SLC35F4: variants seen among roughly 807,000 people sequenced by gnomAD.
The protein encoded by SLC35F4 is chromosome 14 open reading frame 36.
A neutral mutation model predicts 44.2 loss-of-function variants in SLC35F4; 24 were observed. The ratio of observed to expected loss-of-function variants is 0.54; its 90% CI spans 0.39 to 0.76. SLC35F4 has a LOEUF of 0.76. Among genes scored for constraint, SLC35F4 ranks in the 30% least tolerant of loss-of-function variants. The pLI, the probability that SLC35F4 is intolerant of heterozygous loss-of-function variation, is 0.00. For synonymous variants in SLC35F4, 238 were observed against 223.6 expected, an observed-to-expected ratio of 1.06 and a Z score of -0.57; for missense variants, 562 against 586.1, an observed-to-expected ratio of 0.96 and a Z score of 0.42.
At chr14:57,573,234 G>A (rs561106415) in intron 4 of SLC35F4, among the ~76,000 whole-genome samples, 1 of 152,314 alleles carries the variant, frequency 6.6e-6, no homozygotes, top group East Asian at 1.9e-4. Flanking sequence ...CGCTGCTAAA[G>A]CATGTCTTTT....
At chr14:57,766,205 C>T (rs544586041) in intron 1 of SLC35F4, among the ~76,000 whole-genome samples, 1 of 152,316 alleles carries the variant, frequency 6.6e-6, no homozygotes, top group South Asian at 2.1e-4. Context: ...CAGAATACAA[C>T]ATGTACAAGC....
chr14:57,566,374 A>G (rs1594870482), intron 7 of SLC35F4, 101 bp downstream of exon 7: 1 of 1,108,102 alleles, frequency 9.0e-7, no homozygotes, highest in African/African-American at 1.6e-5. Context: ...GGCAAGGAAC[A>G]TAATTCACAA....
chr14:57,792,677 A>G (rs2077953594), intron 1 of SLC35F4, among the ~76,000 whole-genome samples: 1 of 152,196 alleles, frequency 6.6e-6, no homozygotes, highest in African/African-American at 2.4e-5. Flanking sequence ...TCACTCAGAT[A>G]TGGAAAACCA....
chr14:57,974,403 T>C (rs552320437), downstream of SLC35F4, among the ~76,000 whole-genome samples: 9 of 152,296 alleles, frequency 5.9e-5, no homozygotes, highest in East Asian at 1.7e-3. Context: ...AATAAGTCAT[T>C]AAAGCCAGCT....
chr14:57,769,096 G>A (rs2077300673), intron 1 of SLC35F4, among the ~76,000 whole-genome samples: 1 of 152,096 alleles, frequency 6.6e-6, no homozygotes, highest in Admixed American at 6.6e-5. Flanking sequence ...GAGCAAGGCA[G>A]CTAAACTATC....
At chr14:57,769,189 C>T (rs903841050) in intron 1 of SLC35F4, among the ~76,000 whole-genome samples, 3 of 152,116 alleles carry the variant, frequency 2.0e-5, no homozygotes, top group Non-Finnish European at 4.4e-5. Flanking sequence ...AGCCATTTTA[C>T]TGCTCTGCAT....
At chr14:57,639,011 G>A (rs2073120929) in intron 1 of SLC35F4, among the ~76,000 whole-genome samples, 1 of 152,002 alleles carries the variant, frequency 6.6e-6, no homozygotes, top group South Asian at 2.1e-4. Context: ...CCAAAATTCT[G>A]CCTTTTGTTT....
intron 1 of SLC35F4, among the ~76,000 whole-genome samples, chr14:57,963,672 C>T (rs28624892): frequency 2.6e-4 from 39 of 149,676 alleles, no homozygotes; most frequent in Middle Eastern, 3.5e-3. Flanking sequence ...TCATCTTTGA[C>T]CCAGAGCCCA....
intron 1 of SLC35F4, among the ~76,000 whole-genome samples, chr14:57,725,773 C>T (rs145589517): frequency 0.013 from 2,026 of 152,274 alleles, 25 homozygotes; most frequent in South Asian, 0.059. Flanking sequence ...GCCATGTATA[C>T]TCTGAATCAG....
chr14:57,877,337 TC>T (rs139869034), intron 1 of SLC35F4, among the ~76,000 whole-genome samples: 1,999 of 152,294 alleles, frequency 0.013, 36 homozygotes, highest in African/African-American at 0.045. Context: ...ATAATCTTGT[TC>T]TTTTTGATGA....
intron 1 of SLC35F4, chr14:57,630,372 G>A (rs886651020): frequency 2.0e-4 from 122 of 625,122 alleles, no homozygotes; most frequent in Non-Finnish European, 3.3e-4. Context: ...CATAGCAGAA[G>A]CCATTCCAAA....
chr14:57,580,668 AAAG>A (rs1313934513), intron 4 of SLC35F4: 3 of 189,236 alleles, frequency 1.6e-5, no homozygotes, highest in African/African-American at 7.1e-5. Flanking sequence ...TTTGTATCCA[AAAG>A]AAGTTGTTGC....
chr14:57,888,682 C>T (rs995680742), intron 1 of SLC35F4, among the ~76,000 whole-genome samples: 7 of 152,048 alleles, frequency 4.6e-5, no homozygotes, highest in Admixed American at 2.6e-4. Flanking sequence ...AGAAGTTAAA[C>T]GATTTGTACT....
intron 1 of SLC35F4, among the ~76,000 whole-genome samples, chr14:57,792,344 A>G (rs1485166960): frequency 6.6e-6 from 1 of 152,200 alleles, no homozygotes; most frequent in Non-Finnish European, 1.5e-5. Flanking sequence ...TATGGAAAAC[A>G]GTGTGAAGAT....
chr14:57,866,554 G>A (rs1253923655), upstream of SLC35F4, among the ~76,000 whole-genome samples: 1 of 152,144 alleles, frequency 6.6e-6, no homozygotes, highest in Non-Finnish European at 1.5e-5. Flanking sequence ...TCCAGGTTTT[G>A]CAGACGCAAA....
intron 1 of SLC35F4, among the ~76,000 whole-genome samples, chr14:57,933,164 G>C (rs1034068481): frequency 6.6e-6 from 1 of 151,658 alleles, no homozygotes; most frequent in Non-Finnish European, 1.5e-5. Flanking sequence ...TGGAATTATA[G>C]GCGTGTGACA....
intron 1 of SLC35F4, among the ~76,000 whole-genome samples, chr14:57,659,746 A>G (rs1011040521): frequency 6.6e-6 from 1 of 152,216 alleles, no homozygotes; most frequent in Non-Finnish European, 1.5e-5. Flanking sequence ...CATTATTTAC[A>G]TAATTTTTAA....
chr14:57,743,360 C>G (rs1324779303), intron 1 of SLC35F4, among the ~76,000 whole-genome samples: 2 of 152,148 alleles, frequency 1.3e-5, no homozygotes, highest in East Asian at 1.9e-4. Context: ...AGAGAAGAAT[C>G]AAATAGACGC....
At chr14:57,699,339 G>C (rs139951404) in intron 1 of SLC35F4, among the ~76,000 whole-genome samples, 4 of 152,138 alleles carry the variant, frequency 2.6e-5, no homozygotes, top group African/African-American at 9.7e-5. Flanking sequence ...AATATGTCAT[G>C]AAGAGGCCCC....
Sources: gnomAD v4.1 joint callset for allele counts (sites outside exome capture counted in the v4.1 genomes callset) on GRCh38, gnomAD v4.1.1 for gene constraint, MANE v1.5 for transcripts, NCBI Gene and HGNC (gene_info 2026-07-23, HGNC 2026-07-21) for gene names.